The following EIF5B variants were observed in gnomAD, a reference collection of about 807,000 sequenced individuals.
EIF5B encodes eukaryotic translation initiation factor 5B, also known as eIF-5B.
Under a neutral mutation model 147.5 loss-of-function variants are expected in EIF5B, and 47 were observed. The ratio of observed to expected loss-of-function variants is 0.32; its 90% CI spans 0.25 to 0.41. The LOEUF (loss-of-function observed/expected upper bound fraction) is 0.41. EIF5B is among the 10% of genes least tolerant of loss of function. The probability of loss-of-function intolerance (pLI) is 1.00; values close to 1 mark genes in which losing one functional copy is unlikely to be tolerated. For missense variants in EIF5B, 1,064 were observed against 1,413.2 expected (o/e 0.75, Z 3.96); for synonymous variants, 455 against 456.2 (o/e 1.00, Z 0.03).
At chr2:99,349,312 A>G (rs1000459251) in intron 1 of EIF5B, among the ~76,000 whole-genome samples, 2 of 152,284 alleles carry the variant, frequency 1.3e-5, no homozygotes, top group East Asian at 1.9e-4. Flanking sequence ...TGAAGTGTGG[A>G]ATAATTTGGA....
chr2:99,346,827 C>G (rs1238812863), intron 1 of EIF5B, among the ~76,000 whole-genome samples: 1 of 151,696 alleles, frequency 6.6e-6, no homozygotes, highest in African/African-American at 2.4e-5. Flanking sequence ...GCCTCGGCCT[C>G]CCAAAGTGCT....
intron 1 of EIF5B, among the ~76,000 whole-genome samples, chr2:99,349,865 A>G (rs913278463): frequency 1.3e-5 from 2 of 152,162 alleles, no homozygotes; most frequent in African/African-American, 4.8e-5. Flanking sequence ...ATTGTTAACT[A>G]TAGTCATCCT....
chr2:99,369,516 T>A, intron 8 of EIF5B, 35 bp downstream of exon 8: 1 of 1,515,330 alleles, frequency 6.6e-7, no homozygotes, highest in South Asian at 1.2e-5. Flanking sequence ...AATTAGTGAA[T>A]TCTTATTAAA....
rs914281615 is a variant in EIF5B at position 99,360,328 on chromosome 2, A to C, written c.128A>C (p.Lys43Thr). ...KEQEPQKSKG[K>T]KKKEKKKQDF... ...CAGGAGCCTCAAAAGTCAAAAGGGAAAAAGAAAAAAGAGAAAAAAAAGCAG... is the reference window on the plus strand; with the variant it reads ...CAGGAGCCTCAAAAGTCAAAAGGGACAAAGAAAAAAGAGAAAAAAAAGCAG... The change falls in exon 2 of 24, where the codon AAA becomes ACA. Residue 43 changes from lysine to threonine, a missense_variant. By Grantham distance (78) the Lys-to-Thr change is moderately conservative (BLOSUM62 -1). Transcript: ENST00000289371. 1.9e-6 allele frequency: 3 copies of C among 1,609,748 alleles called. No individual in the cohort carries two copies. The highest frequency in any genetic ancestry group is 8.5e-7 in the Non-Finnish European group (1 of 1,178,456).
At chr2:99,362,940 G>A (rs768445347) in intron 4 of EIF5B, among the ~76,000 whole-genome samples, 2 of 151,822 alleles carry the variant, frequency 1.3e-5, no homozygotes, top group Non-Finnish European at 2.9e-5. Flanking sequence ...TGTATTTTTA[G>A]TAGAGATGGG....
rs773909510 is a variant in EIF5B at position 99,399,421 on chromosome 2, C to T, written c.*7C>T. ...AGTATTTGAAATCATCTAATTTTTTCACATGGAGCAGGAACTGGAGTAAAT... is the reference window on the plus strand; with the variant it reads ...AGTATTTGAAATCATCTAATTTTTTTACATGGAGCAGGAACTGGAGTAAAT... On this transcript the variant is annotated 3_prime_UTR_variant, in exon 24 of 24. Coordinates refer to ENST00000289371, the MANE Select transcript of EIF5B (RefSeq NM_015904.4). The T allele has an allele frequency of 6.2e-7, 1 of 1,612,762 alleles. No homozygotes were observed. The highest frequency in any genetic ancestry group is 8.5e-7 in the Non-Finnish European group (1 of 1,178,974).
chr2:99,351,526 C>G (rs1175894402), intron 1 of EIF5B, among the ~76,000 whole-genome samples: 1 of 152,146 alleles, frequency 6.6e-6, no homozygotes, highest in Non-Finnish European at 1.5e-5. Flanking sequence ...GTATATTTAA[C>G]AAGAAGCTGT....
rs1480091890 is a variant in EIF5B at position 99,394,503 on chromosome 2, T to C, written c.3013-6T>C. The C allele has an allele frequency of 1.9e-6, 3 of 1,614,144 alleles. No individual in the cohort carries two copies. The highest frequency in any genetic ancestry group is 8.5e-7 in the Non-Finnish European group (1 of 1,180,016). On this transcript the variant is annotated splice_polypyrimidine_tract_variant and splice_region_variant and intron_variant, in intron 19 of 23. Coordinates refer to ENST00000289371, the MANE Select transcript of EIF5B (RefSeq NM_015904.4). Reference sequence around the variant, plus strand: ...CAGATAAACATGGAAACTCCCATTTTTTCAGTATGCAGGAATTAACATTGG... The same window carrying C: ...CAGATAAACATGGAAACTCCCATTTCTTCAGTATGCAGGAATTAACATTGG...
At chr2:99,347,519 T>A (rs1010823897) in intron 1 of EIF5B, among the ~76,000 whole-genome samples, 1 of 151,598 alleles carries the variant, frequency 6.6e-6, no homozygotes, top group African/African-American at 2.4e-5. Context: ...TTTTTTTTTT[T>A]AACAGGCCTG....
chr2:99,372,254 T>C (rs1018197825), intron 9 of EIF5B, among the ~76,000 whole-genome samples: 1 of 152,228 alleles, frequency 6.6e-6, no homozygotes, highest in African/African-American at 2.4e-5. Context: ...TCTTTAAGCA[T>C]GGCTTTAGTC....
chr2:99,339,578 C>A (rs2094254471), intron 1 of EIF5B, among the ~76,000 whole-genome samples: 1 of 151,910 alleles, frequency 6.6e-6, no homozygotes, highest in Non-Finnish European at 1.5e-5. Context: ...GGCAGTCTCA[C>A]TATGTTGCCC....
intron 1 of EIF5B, among the ~76,000 whole-genome samples, chr2:99,352,290 G>A (rs923231660): frequency 6.6e-6 from 1 of 151,684 alleles, no homozygotes; most frequent in Non-Finnish European, 1.5e-5. Flanking sequence ...CCGCCTCCTG[G>A]GTTCAAGCAA....
chr2:99,344,059 C>T (rs1247928360), intron 1 of EIF5B, among the ~76,000 whole-genome samples: 1 of 151,470 alleles, frequency 6.6e-6, no homozygotes, highest in Non-Finnish European at 1.5e-5. Context: ...GCTGGGACCA[C>T]AGGCACCTGC....
chr2:99,369,602 G>A (rs992021530), intron 8 of EIF5B, 121 bp downstream of exon 8: 8 of 673,338 alleles, frequency 1.2e-5, no homozygotes, highest in Non-Finnish European at 1.6e-5. Flanking sequence ...TGGCTGGATG[G>A]CCCTCTTTCT....
chr2:99,369,472 G>A lies in EIF5B; in HGVS notation c.1468G>A (p.Val490Ile), dbSNP rs763297124. The A allele has an allele frequency of 6.2e-7, 1 of 1,608,994 alleles. No homozygotes were observed. The highest frequency in any genetic ancestry group is 8.5e-7 in the Non-Finnish European group (1 of 1,176,674). Residue 490 changes from valine to isoleucine, a missense_variant, in exon 8 of 24, where the codon GTT becomes ATT. By Grantham distance (29) the Val-to-Ile change is conservative (BLOSUM62 3). Coordinates refer to ENST00000289371, the MANE Select transcript of EIF5B (RefSeq NM_015904.4). Reference protein sequence around the residue: ...VPEKEETPPPVEPEEEEDTED... With the variant: ...VPEKEETPPPIEPEEEEDTED... ...AGAAAAGGAAGAGACACCACCTCCTGTTGAACCAGGCGGGTAGTGTTATCT... is the reference window on the plus strand; with the variant it reads ...AGAAAAGGAAGAGACACCACCTCCTATTGAACCAGGCGGGTAGTGTTATCT...
At chr2:99,371,631 C>T in intron 8 of EIF5B, 25 bp from the exon 9 acceptor site, 1 of 1,597,962 alleles carries the variant, frequency 6.3e-7, no homozygotes. Flanking sequence ...ATTTTTGTGT[C>T]TTAAATGCAA....
chr2:99,390,529 A>C lies in EIF5B; in HGVS notation c.2587-15A>C, dbSNP rs765827619. 6.2e-7 allele frequency: 1 copy of C among 1,600,836 alleles called. No individual in the cohort carries two copies. Among genetic ancestry groups the C allele is most frequent in the Non-Finnish European group, 8.5e-7 (1 of 1,170,700 alleles). ...ATTGTATGTATGTCTTTCTCTTTGC[A>C]TTAATGCCTTTTAGGTTAAAGCTCT... On this transcript the variant is annotated splice_polypyrimidine_tract_variant and intron_variant, in intron 16 of 23. Transcript: ENST00000289371.
At chr2:99,390,767 A>G (rs1674908869) in intron 17 of EIF5B, 62 bp downstream of exon 17, 1 of 1,502,944 alleles carries the variant, frequency 6.7e-7, no homozygotes, top group African/African-American at 1.4e-5. Flanking sequence ...AGTTCTGCTG[A>G]GATGGTTTCC....
At chr2:99,348,784 C>T (rs529222841) in intron 1 of EIF5B, among the ~76,000 whole-genome samples, 160 of 152,172 alleles carry the variant, frequency 1.1e-3, no homozygotes, top group Middle Eastern at 3.4e-3. Flanking sequence ...GGGATGGGGA[C>T]GGAGGAAGGA....
Sources: allele counts gnomAD v4.1 joint callset (sites outside exome capture counted in the v4.1 genomes callset), GRCh38; gene constraint gnomAD v4.1.1; transcripts MANE v1.5; gene names NCBI Gene and HGNC (gene_info 2026-07-23, HGNC 2026-07-21).